The following PHAX variants were observed in gnomAD, a reference collection of about 807,000 sequenced individuals.
The protein encoded by PHAX is phosphorylated adapter RNA export protein.
A neutral mutation model predicts 41.6 loss-of-function variants in PHAX; 31 were observed. The observed-to-expected ratio is 0.75, with a 90% CI of 0.56 to 1.01. The LOEUF is 1.01. Ranked by LOEUF, PHAX falls within the 50% of genes least tolerant of loss-of-function variation. The pLI, the probability that PHAX is intolerant of heterozygous loss-of-function variation, is 0.00. For missense variants in PHAX, 453 were observed against 472.9 expected (o/e 0.96, Z 0.39); for synonymous variants, 175 against 164.9 (o/e 1.06, Z -0.47).
chr5:126,618,670 G>GT (rs1310062519), intron 4 of PHAX, among the ~76,000 whole-genome samples: 3,342 of 120,210 alleles, frequency 0.028, 57 homozygotes, highest in African/African-American at 0.061. Context: ...TTTAAAAACT[G>GT]TTTTTTTTTT....
chr5:126,618,712 C>G (rs1752224824), intron 4 of PHAX, among the ~76,000 whole-genome samples: 2 of 149,268 alleles, frequency 1.3e-5, no homozygotes, highest in South Asian at 4.2e-4. Flanking sequence ...TGTCGCCAGG[C>G]TGGAGTGCAG....
rs143781620 is a variant in PHAX, at chr5:126,615,904, C to T, written c.832-1346C>T. 3.3e-5 allele frequency among the ~76,000 whole-genome samples: 5 copies of T among 152,096 alleles called. No individual in the cohort carries two copies. In the East Asian group the frequency reaches 9.7e-4, roughly 29 times the overall value. ...AACTACCATGACTATTGAGAAGCCA[C>T]TGTATGTGTGTATATATATCTGATT... On this transcript the variant is annotated intron_variant, in intron 3 of 4. Transcript: ENST00000297540.
In PHAX at chr5:126,624,789, T is replaced by G. The variant is rs554295080; in HGVS notation, c.1130T>G (p.Leu377Trp). Residue 377 changes from leucine (L) to tryptophan (W), a missense_variant, in exon 5 of 5, where the codon TTG (leucine) becomes TGG (tryptophan). By Grantham distance (61) the Leu-to-Trp change is moderately conservative (BLOSUM62 -2). Transcript: ENST00000297540. Reference sequence around the variant, plus strand: ...CAGGAAGGACATGCAGAAGCCAAGTTGGAGGCAGAGGAAGCCATTGAAGTT... The same window carrying G: ...CAGGAAGGACATGCAGAAGCCAAGTGGGAGGCAGAGGAAGCCATTGAAGTT... ...ESQEGHAEAK[L>W]EAEEAIEVDH... 1.2e-6 allele frequency: 2 copies of G among 1,613,504 alleles called. No homozygotes were observed. The highest frequency in any genetic ancestry group is 2.7e-5 in the African/African-American group (2 of 75,046).
At chr5:126,613,724 C>G (rs1752141300) in intron 3 of PHAX, among the ~76,000 whole-genome samples, 1 of 151,872 alleles carries the variant, frequency 6.6e-6, no homozygotes, top group Non-Finnish European at 1.5e-5. Context: ...CAGTGATTAC[C>G]TATGGTTAGT....
Position 126,617,328 on chromosome 5 carries a change from A to AT in PHAX, c.912dup (p.Lys305Ter). The stretch of plus-strand genomic sequence containing the variant: ...CACTCCTAGTATCAGCGAGGAACAA[A>AT]TTAAGGTAATGATAATGTCCTCACC... On this transcript the variant is annotated frameshift_variant, in exon 4 of 5. Coordinates refer to ENST00000297540, the MANE Select transcript of PHAX (RefSeq NM_032177.4). LOFTEE classifies it high-confidence loss of function. 6.3e-7 allele frequency: 1 copy of AT among 1,591,062 alleles called. No individual in the cohort carries two copies. Among genetic ancestry groups the AT allele is most frequent in the Middle Eastern group, 1.7e-4 (1 of 6,008 alleles).
At position 126,617,231 on chromosome 5, in the gene PHAX, T is replaced by C. The variant is rs1414279563; in HGVS notation, c.832-19T>C. On this transcript the variant is annotated intron_variant, in intron 3 of 4. Transcript: ENST00000297540. The stretch of plus-strand genomic sequence containing the variant: ...TGGGAAGAGTATATGCAGTTTACCT[T>C]TTCTGTTCCTTTTTGTAGAATGGTA... The C allele has an allele frequency of 6.4e-7, 1 of 1,566,578 alleles. No homozygotes were observed. The highest frequency in any genetic ancestry group is 2.2e-5 in the East Asian group (1 of 44,560).
Position 126,603,610 on chromosome 5 carries a change from A to G in PHAX, c.137A>G (p.Asn46Ser). 1 of 1,614,080 alleles carries G rather than the reference A, an allele frequency of 6.2e-7. No individual in the cohort carries two copies. The highest frequency in any genetic ancestry group is 8.5e-7 in the Non-Finnish European group (1 of 1,179,896). The change falls in exon 2 of 5, where the codon AAC (asparagine) becomes AGC (serine). Residue 46 changes from asparagine to serine, a missense_variant. Transcript: ENST00000297540. ...GGDSAMRAFQ[N>S]TATACAPVSH... ...GACAGTGCTATGAGGGCCTTCCAGA[A>G]CACGGCAACTGCATGTGCACCAGTA... is the stretch of plus-strand genomic sequence containing the variant.
chr5:126,614,185 G>A (rs1371319520), intron 3 of PHAX, among the ~76,000 whole-genome samples: 4 of 152,046 alleles, frequency 2.6e-5, no homozygotes, highest in African/African-American at 9.7e-5. Flanking sequence ...TGCAACCTCT[G>A]CCTCCCAGAT....
intron 3 of PHAX, among the ~76,000 whole-genome samples, chr5:126,609,581 T>G (rs1752047309): frequency 6.6e-6 from 1 of 152,082 alleles, no homozygotes; most frequent in African/African-American, 2.4e-5. Flanking sequence ...AAATGGAGAT[T>G]AGTCCTACAT....
rs1752318681 is a variant in PHAX, at chr5:126,624,641, C to T, written c.982C>T (p.Gln328Ter). The T allele has an allele frequency of 6.2e-7, 1 of 1,613,126 alleles. No homozygotes were observed. Residue 328 changes from glutamine (Q) to a stop codon, truncating the protein, a stop_gained, in exon 5 of 5, where the codon CAA (glutamine) becomes TAA (stop). Coordinates refer to ENST00000297540, the MANE Select transcript of PHAX (RefSeq NM_032177.4). LOFTEE classifies it high-confidence loss of function. The stretch of plus-strand genomic sequence containing the variant: ...AAAAGCTGCTAGGAAGAGGAGAACA[C>T]AAGTGTTGGGGAAAAAGATGAAACA... ...NKKAARKRRT[Q>*]VLGKKMKQAI...
At chr5:126,621,684 A>G (rs1448917972) in intron 4 of PHAX, among the ~76,000 whole-genome samples, 3 of 152,194 alleles carry the variant, frequency 2.0e-5, no homozygotes, top group Admixed American at 6.6e-5. Context: ...TGAAAAATAC[A>G]AAGTTTTCTG....
intron 3 of PHAX, 56 bp from the exon 4 acceptor site, chr5:126,617,194 C>G: frequency 2.7e-6 from 3 of 1,096,274 alleles, no homozygotes; most frequent in Non-Finnish European, 4.1e-6. Flanking sequence ...TAAAAGATGC[C>G]TTGACCATTT....
rs57270218 is a variant in PHAX, at chr5:126,604,274, CTTTTTTTTT to C, written c.710+102_710+110del. 459 of 645,848 alleles carry C rather than the reference CTTTTTTTTT, an allele frequency of 7.1e-4. 7 individuals carry two copies. Among genetic ancestry groups the C allele is most frequent in the Admixed American group, 2.2e-3 (44 of 20,444 alleles). 40.0% of individuals were successfully genotyped at this position (645,848 alleles called of 1,614,324 possible). ...TGCCAAATACTTTAATGATATGTTC[CTTTTTTTTT>C]TTTTTTTTTTGGAGACAGGGTCTTG... is the stretch of plus-strand genomic sequence containing the variant. On this transcript the variant is annotated intron_variant, in intron 2 of 4. Coordinates refer to ENST00000297540, the MANE Select transcript of PHAX (RefSeq NM_032177.4).
In PHAX at chr5:126,624,732, C is replaced by A; in HGVS notation, c.1073C>A (p.Thr358Lys). The A allele has an allele frequency of 6.2e-7, 1 of 1,614,118 alleles. No individual in the cohort carries two copies. The highest frequency in any genetic ancestry group is 8.5e-7 in the Non-Finnish European group (1 of 1,180,022). ...TCACGAGAAACTTTTGCAAGTGACACGAATGAGGCCTTGGCCTCTCTTGAT... is the reference window on the plus strand; with the variant it reads ...TCACGAGAAACTTTTGCAAGTGACAAGAATGAGGCCTTGGCCTCTCTTGAT... Reference protein sequence around the residue: ...DTSRETFASDTNEALASLDES... With the variant: ...DTSRETFASDKNEALASLDES... The change falls in exon 5 of 5, where the codon ACG becomes AAG. Residue 358 changes from threonine to lysine, a missense_variant. Thr to Lys is a moderately conservative substitution (Grantham distance 78). Coordinates refer to ENST00000297540, the MANE Select transcript of PHAX (RefSeq NM_032177.4).
intron 3 of PHAX, among the ~76,000 whole-genome samples, chr5:126,613,126 A>G (rs1235397757): frequency 6.6e-6 from 1 of 152,216 alleles, no homozygotes; most frequent in African/African-American, 2.4e-5. Context: ...AGACGGGCAT[A>G]TCACCTGAGG....
intron 1 of PHAX, 61 bp downstream of exon 1, chr5:126,601,119 G>A: frequency 7.9e-7 from 1 of 1,265,384 alleles, no homozygotes; most frequent in Admixed American, 2.0e-5. Context: ...GCCCCGGGGA[G>A]CGCGCAGGCA....
chr5:126,617,196 T>G, intron 3 of PHAX, 54 bp from the exon 4 acceptor site: 1 of 1,117,750 alleles, frequency 8.9e-7, no homozygotes, highest in Non-Finnish European at 1.3e-6. Context: ...AAAGATGCCT[T>G]GACCATTTAT....
rs539981745 is a variant in PHAX at position 126,621,660 on chromosome 5, A to G, written c.916-2915A>G. Reference sequence around the variant, plus strand: ...TTCCATTTGGGTACATGACCTCACAATTAAGTTTTGTTTTGAAAAATACAA... The same window carrying G: ...TTCCATTTGGGTACATGACCTCACAGTTAAGTTTTGTTTTGAAAAATACAA... On this transcript the variant is annotated intron_variant, in intron 4 of 4. Coordinates refer to ENST00000297540, the MANE Select transcript of PHAX (RefSeq NM_032177.4). 7.2e-5 allele frequency among the ~76,000 whole-genome samples: 11 copies of G among 152,330 alleles called. No homozygotes were observed. The South Asian group carries it at 2.1e-3, about 29-fold the overall frequency.
intron 1 of PHAX, among the ~76,000 whole-genome samples, chr5:126,602,988 G>C (rs1051998998): frequency 7.1e-6 from 1 of 141,074 alleles, no homozygotes; most frequent in Non-Finnish European, 1.5e-5. Flanking sequence ...CTGGGTGACA[G>C]AGCAAGACTC....
Sources: gnomAD v4.1 joint callset for allele counts (sites outside exome capture counted in the v4.1 genomes callset) on GRCh38, gnomAD v4.1.1 for gene constraint, MANE v1.5 for transcripts, NCBI Gene and HGNC (gene_info 2026-07-23, HGNC 2026-07-21) for gene names.